The following TYW1 variants were observed in gnomAD, a reference collection of about 807,000 sequenced individuals.
The protein encoded by TYW1 is tRNA-yW synthesizing protein 1 homolog.
TYW1 carries 46 observed loss-of-function variants against 96.2 expected under a neutral mutation model. The ratio of observed to expected loss-of-function variants is 0.48; its 90% CI spans 0.38 to 0.61. TYW1 has a LOEUF of 0.61. Ranked by LOEUF, TYW1 falls within the 20% of genes least tolerant of loss-of-function variation. TYW1 has a pLI of 0.00. For missense variants in TYW1, 684 were observed against 909.6 expected, an observed-to-expected ratio of 0.75 and a Z score of 3.19; for synonymous variants, 274 against 323.0, an observed-to-expected ratio of 0.85 and a Z score of 1.63.
intron 15 of TYW1, among the ~76,000 whole-genome samples, chr7:67,205,393 G>C (rs868232932): frequency 0.023 from 3,447 of 151,938 alleles, 103 homozygotes; most frequent in African/African-American, 0.078. Context: ...AGGCGGGGGG[G>C]GGGCCTTATT....
intron 14 of TYW1, among the ~76,000 whole-genome samples, chr7:67,187,762 G>T (rs1422767652): frequency 6.6e-6 from 1 of 152,182 alleles, no homozygotes; most frequent in African/African-American, 2.4e-5. Flanking sequence ...AGTATGGAAG[G>T]ATATCTGTCA....
At chr7:67,104,468 G>A (rs975337337) in intron 12 of TYW1, among the ~76,000 whole-genome samples, 2 of 152,178 alleles carry the variant, frequency 1.3e-5, no homozygotes, top group Admixed American at 1.3e-4. Flanking sequence ...CACGAGAACA[G>A]CAAGGGGGAC....
At chr7:67,064,988 C>T (rs566455097) in intron 9 of TYW1, among the ~76,000 whole-genome samples, 30 of 152,272 alleles carry the variant, frequency 2.0e-4, no homozygotes, top group African/African-American at 6.7e-4. Context: ...TTTTTTAAAA[C>T]GAAAAACATT....
rs540399914 is a variant in TYW1, at chr7:67,052,834, C to T, written c.1102+2768C>T. Among the ~76,000 whole-genome samples the T allele has an allele frequency of 9.2e-5, 14 of 152,210 alleles. No homozygotes were observed. The South Asian group carries it at 1.0e-3, about 11-fold the overall frequency. On this transcript the variant is annotated intron_variant, in intron 8 of 15. Coordinates refer to ENST00000359626, the MANE Select transcript of TYW1 (RefSeq NM_018264.4). ...GCAACCTCTGCCTCCCGGGTTCAAGCGATTCTCCTGCCTCAAGTGATTCAC... is the reference window on the plus strand; with the variant it reads ...GCAACCTCTGCCTCCCGGGTTCAAGTGATTCTCCTGCCTCAAGTGATTCAC...
At chr7:67,195,633 G>A (rs1800369347) in intron 15 of TYW1, among the ~76,000 whole-genome samples, 1 of 152,106 alleles carries the variant, frequency 6.6e-6, no homozygotes, top group African/African-American at 2.4e-5. Context: ...ATAACCTCTA[G>A]TCCTTTCCTG....
intron 10 of TYW1, 30 bp from the exon 11 acceptor site, chr7:67,083,400 G>A (rs372703624): frequency 1.5e-4 from 242 of 1,606,532 alleles, no homozygotes; most frequent in Non-Finnish European, 2.0e-4. Context: ...TTACAGAAGG[G>A]TCTTTTAGAA....
intron 12 of TYW1, among the ~76,000 whole-genome samples, chr7:67,099,472 G>C (rs1237705748): frequency 1.3e-5 from 2 of 152,204 alleles, no homozygotes; most frequent in Admixed American, 1.3e-4. Flanking sequence ...TTAGACCACA[G>C]AATGTGTGAA....
rs1460954825 is a variant in TYW1, at chr7:67,047,970, T to G, written c.985-1979T>G. Reference sequence around the variant, plus strand: ...GCCTGGCTAATTTTTGTATTTTTAGTAGAGACAGGGTTTCCCCATGTTGGC... The same window carrying G: ...GCCTGGCTAATTTTTGTATTTTTAGGAGAGACAGGGTTTCCCCATGTTGGC... On this transcript the variant is annotated intron_variant, in intron 7 of 15. Transcript: ENST00000359626. 3.9e-5 allele frequency among the ~76,000 whole-genome samples: 6 copies of G among 151,912 alleles called. No individual in the cohort carries two copies. In the East Asian group the frequency reaches 1.2e-3, roughly 30 times the overall value.
At chr7:67,013,887 G>A (rs1459774575) in intron 4 of TYW1, among the ~76,000 whole-genome samples, 1 of 151,664 alleles carries the variant, frequency 6.6e-6, no homozygotes, top group Non-Finnish European at 1.5e-5. Flanking sequence ...GGGACTACAG[G>A]CACCCGCCAC....
At chr7:67,135,725 A>G (rs1420253273) in intron 13 of TYW1, among the ~76,000 whole-genome samples, 2 of 151,936 alleles carry the variant, frequency 1.3e-5, no homozygotes, top group Admixed American at 1.3e-4. Context: ...GCACCTGGCC[A>G]GCAAATCCAC....
chr7:67,113,614 TTTC>T (rs907751103), intron 12 of TYW1, among the ~76,000 whole-genome samples: 1 of 150,772 alleles, frequency 6.6e-6, no homozygotes, highest in Non-Finnish European at 1.5e-5. Context: ...CTGTTTTTCT[TTTC>T]TTTCTTTCTT....
chr7:67,055,829 A>G lies in TYW1; in HGVS notation c.1103-6A>G. 3 of 1,608,898 alleles carry G rather than the reference A, an allele frequency of 1.9e-6. No homozygotes were observed. Among genetic ancestry groups the G allele is most frequent in the Non-Finnish European group, 2.5e-6 (3 of 1,178,054 alleles). ...CCAACTTTGTGTTCCCTGCTTTTCC[A>G]CTCAGGTTATCAGTTGATTGGGAGC... is the stretch of plus-strand genomic sequence containing the variant. On this transcript the variant is annotated splice_region_variant and splice_polypyrimidine_tract_variant and intron_variant, in intron 8 of 15. Transcript: ENST00000359626.
chr7:66,997,245 C>A (rs1185520712), intron 1 of TYW1, among the ~76,000 whole-genome samples: 1 of 152,066 alleles, frequency 6.6e-6, no homozygotes, highest in African/African-American at 2.4e-5. Context: ...ACCTGTAAAG[C>A]CTAAATTTCA....
At chr7:67,197,234 T>C (rs1584684146) in intron 15 of TYW1, among the ~76,000 whole-genome samples, 1 of 152,322 alleles carries the variant, frequency 6.6e-6, no homozygotes, top group East Asian at 1.9e-4. Context: ...ACCACCTAAT[T>C]TGGTGAATGC....
chr7:67,048,399 G>A (rs576887474), intron 7 of TYW1, among the ~76,000 whole-genome samples: 9 of 150,844 alleles, frequency 6.0e-5, no homozygotes, highest in Non-Finnish European at 1.2e-4. Context: ...GCCTGGATGA[G>A]TTATTGTGAA....
At chr7:67,097,826 G>A (rs1210458126) in intron 11 of TYW1, among the ~76,000 whole-genome samples, 2 of 151,482 alleles carry the variant, frequency 1.3e-5, no homozygotes, top group Non-Finnish European at 2.9e-5. Context: ...CCAAGTAGTT[G>A]GGACCACAGA....
chr7:67,002,733 T>C (rs928589434), intron 3 of TYW1, among the ~76,000 whole-genome samples: 16 of 152,274 alleles, frequency 1.1e-4, no homozygotes, highest in Non-Finnish European at 1.6e-4. Flanking sequence ...AATTTTTTTT[T>C]CCCCTTTTCA....
chr7:67,133,418 T>A (rs1006492492), intron 13 of TYW1, among the ~76,000 whole-genome samples: 7 of 152,028 alleles, frequency 4.6e-5, no homozygotes, highest in Admixed American at 4.6e-4. Flanking sequence ...GCTGGGATTG[T>A]CCGGGCACGG....
intron 13 of TYW1, among the ~76,000 whole-genome samples, chr7:67,151,051 C>CTTCT (rs1166783780): frequency 2.0e-3 from 282 of 142,746 alleles, no homozygotes; most frequent in Middle Eastern, 3.7e-3. Flanking sequence ...TATTCTTCTT[C>CTTCT]TTTTTTTTTT....
Sources: gnomAD v4.1 joint callset for allele counts (sites outside exome capture counted in the v4.1 genomes callset) on GRCh38, gnomAD v4.1.1 for gene constraint, MANE v1.5 for transcripts, NCBI Gene and HGNC (gene_info 2026-07-23, HGNC 2026-07-21) for gene names.